ZFHX3: variants seen among roughly 807,000 people sequenced by gnomAD.
The protein encoded by ZFHX3 is zinc finger homeobox 3.
Under a neutral mutation model 279.1 loss-of-function variants are expected in ZFHX3, and 42 were observed. The ratio of observed to expected loss-of-function variants is 0.15; its 90% CI spans 0.12 to 0.19. The LOEUF (loss-of-function observed/expected upper bound fraction) is 0.19. Ranked by LOEUF, ZFHX3 falls within the 10% of genes least tolerant of loss-of-function variation. The pLI is 1.00. For synonymous variants in ZFHX3, 2,293 were observed against 1,957.8 expected, an observed-to-expected ratio of 1.17 and a Z score of -4.52; for missense variants, 4,981 against 4,754.0, an observed-to-expected ratio of 1.05 and a Z score of -1.40.
chr16:73,621,245 G>T (rs1427223323), intron 2 of ZFHX3, among the ~76,000 whole-genome samples: 1 of 152,066 alleles, frequency 6.6e-6, no homozygotes, highest in African/African-American at 2.4e-5. Flanking sequence ...CGTTACCTAC[G>T]ATTCTCCCCC....
At chr16:72,898,727 C>T (rs1426385639) in intron 3 of ZFHX3, among the ~76,000 whole-genome samples, 3 of 126,980 alleles carry the variant, frequency 2.4e-5, no homozygotes, top group East Asian at 2.2e-4. Context: ...ATTATGGGAG[C>T]AAATTATTAA....
intron 1 of ZFHX3, among the ~76,000 whole-genome samples, chr16:73,766,399 G>A (rs2053944211): frequency 6.6e-6 from 1 of 152,080 alleles, no homozygotes; most frequent in Non-Finnish European, 1.5e-5. Context: ...GGTCTTTTAG[G>A]ACATACTGGA....
At chr16:73,642,187 TC>T (rs2052579634) in intron 2 of ZFHX3, among the ~76,000 whole-genome samples, 1 of 152,202 alleles carries the variant, frequency 6.6e-6, no homozygotes, top group South Asian at 2.1e-4. Context: ...GAACTCTTTT[TC>T]TTTTACTCAA....
rs556720829 is a variant in ZFHX3 at position 73,460,815 on chromosome 16, G to A, written c.-1546-4557C>T. The stretch of plus-strand genomic sequence containing the variant: ...GTGAGATCTGGCCATTTAAAAGTGA[G>A]TGGCACCTCCCTGCCACTTTCTTGC... On this transcript the variant is annotated intron_variant, in intron 2 of 17. Transcript: ENST00000641206. Among the ~76,000 whole-genome samples, 15 of 152,212 alleles carry A rather than the reference G, an allele frequency of 9.9e-5. No homozygotes were observed. The South Asian group carries it at 2.9e-3, about 30-fold the overall frequency.
At chr16:73,055,089 T>A (rs976301594) in intron 1 of ZFHX3, among the ~76,000 whole-genome samples, 4 of 151,224 alleles carry the variant, frequency 2.6e-5, no homozygotes, top group Non-Finnish European at 5.9e-5. Context: ...TTCCTTGTAC[T>A]AACAAATTAC....
intron 3 of ZFHX3, among the ~76,000 whole-genome samples, chr16:73,390,709 C>A (rs1041068955): frequency 2.6e-5 from 4 of 152,066 alleles, no homozygotes; most frequent in African/African-American, 9.7e-5. Context: ...GAACAGCCAG[C>A]ATTTGGTGGG....
chr16:73,578,773 G>C (rs979427588), intron 2 of ZFHX3, among the ~76,000 whole-genome samples: 1 of 152,022 alleles, frequency 6.6e-6, no homozygotes, highest in African/African-American at 2.4e-5. Context: ...AGTGAAAATA[G>C]ACAGCAACAT....
chr16:73,805,978 GATTTAATTGAC>G (rs1198653888), intron 1 of ZFHX3, among the ~76,000 whole-genome samples: 1 of 152,184 alleles, frequency 6.6e-6, no homozygotes, highest in Non-Finnish European at 1.5e-5. Context: ...AAAGAAAAGA[GATTTAATTGAC>G]TCACAGTTCC....
chr16:73,749,072 G>A (rs1196303995), intron 1 of ZFHX3, among the ~76,000 whole-genome samples: 1 of 151,994 alleles, frequency 6.6e-6, no homozygotes, highest in African/African-American at 2.4e-5. Context: ...ACAGGTGTGA[G>A]CCACCATGCC....
At chr16:73,534,888 A>T (rs942675488) in intron 2 of ZFHX3, among the ~76,000 whole-genome samples, 1 of 151,884 alleles carries the variant, frequency 6.6e-6, no homozygotes, top group Admixed American at 6.6e-5. Context: ...TCTCACAGTG[A>T]CTCCCCAATC....
chr16:73,246,356 T>C (rs1435366671), intron 5 of ZFHX3, among the ~76,000 whole-genome samples: 1 of 152,184 alleles, frequency 6.6e-6, no homozygotes, highest in African/African-American at 2.4e-5. Context: ...ATAAGTCACA[T>C]ATCTATGAGG....
chr16:73,778,632 G>T (rs1446269159), intron 1 of ZFHX3, among the ~76,000 whole-genome samples: 1 of 152,144 alleles, frequency 6.6e-6, no homozygotes, highest in Non-Finnish European at 1.5e-5. Flanking sequence ...TATTCAAAAT[G>T]ACAGTCATTT....
At chr16:73,465,033 G>A (rs1034694194) in intron 2 of ZFHX3, among the ~76,000 whole-genome samples, 1 of 152,160 alleles carries the variant, frequency 6.6e-6, no homozygotes, top group Non-Finnish European at 1.5e-5. Context: ...AGGCTGGCAC[G>A]ATCATTAGAT....
At chr16:72,868,687 G>A (rs1000662977) in intron 4 of ZFHX3, among the ~76,000 whole-genome samples, 9 of 152,230 alleles carry the variant, frequency 5.9e-5, no homozygotes, top group African/African-American at 1.2e-4. Context: ...GGTCCACATC[G>A]ACAGGCTTCT....
chr16:73,758,544 G>T (rs572251157), intron 1 of ZFHX3, among the ~76,000 whole-genome samples: 5 of 152,308 alleles, frequency 3.3e-5, no homozygotes, highest in African/African-American at 1.2e-4. Context: ...CCTTCGTGGG[G>T]CATACCATCT....
chr16:73,597,218 C>T (rs908494189), intron 2 of ZFHX3, among the ~76,000 whole-genome samples: 22 of 152,302 alleles, frequency 1.4e-4, no homozygotes, highest in African/African-American at 3.1e-4. Context: ...CCAGCAACCA[C>T]GTCAACTCTT....
chr16:73,515,452 A>G (rs1479212620), intron 2 of ZFHX3, among the ~76,000 whole-genome samples: 1 of 148,816 alleles, frequency 6.7e-6, no homozygotes, highest in Non-Finnish European at 1.5e-5. Flanking sequence ...AGAGAGGAGA[A>G]AGAGAGAGAT....
intron 3 of ZFHX3, among the ~76,000 whole-genome samples, chr16:73,336,140 T>A (rs940955356): frequency 6.6e-6 from 1 of 152,070 alleles, no homozygotes; most frequent in Non-Finnish European, 1.5e-5. Context: ...CAGTGGAAGG[T>A]GGTGGAGAGG....
intron 2 of ZFHX3, among the ~76,000 whole-genome samples, chr16:73,458,914 T>G (rs1443567230): frequency 6.6e-6 from 1 of 152,200 alleles, no homozygotes; most frequent in Non-Finnish European, 1.5e-5. Context: ...TAAACATCCC[T>G]GTCTATAGCA....
Sources: gnomAD v4.1 joint callset for allele counts (sites outside exome capture counted in the v4.1 genomes callset) on GRCh38, gnomAD v4.1.1 for gene constraint, MANE v1.5 for transcripts, NCBI Gene and HGNC (gene_info 2026-07-23, HGNC 2026-07-21) for gene names.